CRB3: variants seen among roughly 807,000 people sequenced by gnomAD.
CRB3 encodes protein crumbs homolog 3.
In CRB3, 4 loss-of-function variants were observed where a neutral mutation model predicts 10.4. The observed-to-expected ratio is 0.39, with a 90% confidence interval of 0.19 to 0.88. The LOEUF is 0.88. Among genes scored for constraint, CRB3 ranks in the 40% least tolerant of loss-of-function variants. CRB3 has a pLI of 0.39. For synonymous variants in CRB3, 74 were observed against 73.4 expected, an observed-to-expected ratio of 1.01 and a Z score of -0.04; for missense variants, 154 against 160.2, an observed-to-expected ratio of 0.96 and a Z score of 0.21.
At position 6,466,025 on chromosome 19, in the gene CRB3, C is replaced by T. The variant is rs755162170; in HGVS notation, c.156+407C>T. Among the ~76,000 whole-genome samples the T allele has an allele frequency of 1.3e-5, 2 of 152,068 alleles. No individual in the cohort carries two copies. The highest frequency in any genetic ancestry group is 2.9e-5 in the Non-Finnish European group (2 of 67,996). ...ACCAGCACGGCCAACATGGTGAAAC[C>T]CTGTCTCTACTAAAAATACAAAAAA... is the stretch of plus-strand genomic sequence containing the variant. On this transcript the variant is annotated intron_variant, in intron 3 of 3. Coordinates refer to ENST00000600229, the MANE Select transcript of CRB3 (RefSeq NM_139161.5). The surrounding 1 kb of genome is among the most constrained non-coding windows in gnomAD (Gnocchi z 4.9).
At chr19:6,465,481 C>T in intron 2 of CRB3, 64 bp from the exon 3 acceptor site, 1 of 1,352,158 alleles carries the variant, frequency 7.4e-7, no homozygotes, top group Non-Finnish European at 1.1e-6. Context: ...AAAGCAGGTG[C>T]AGATGGGCGG....
In CRB3 at chr19:6,466,864, G is replaced by A. The variant is rs2092797471; in HGVS notation, c.*192G>A. On this transcript the variant is annotated 3_prime_UTR_variant, in exon 4 of 4. Transcript: ENST00000600229. The surrounding 1 kb of genome is among the most constrained non-coding windows in gnomAD (Gnocchi z 4.9). ...GGCTGTGCCTGCAGCTCAGGGTGCT[G>A]GGGCTCGGGACCCACCCCCCTGCTT... 2 of 1,573,106 alleles carry A rather than the reference G, an allele frequency of 1.3e-6. No homozygotes were observed. The highest frequency in any genetic ancestry group is 2.7e-5 in the African/African-American group (2 of 73,924).
In CRB3 at chr19:6,464,635, G is replaced by A; in HGVS notation, c.-67G>A. On this transcript the variant is annotated 5_prime_UTR_variant, in exon 2 of 4. Transcript: ENST00000600229. The surrounding 1 kb of genome is among the most constrained non-coding windows in gnomAD (Gnocchi z 5.3). Reference sequence around the variant, plus strand: ...GCCCCGTCGCAGGTGCCCCTGGCCGGAGATGCGGTAGGAGGGGCGAGCGCG... The same window carrying A: ...GCCCCGTCGCAGGTGCCCCTGGCCGAAGATGCGGTAGGAGGGGCGAGCGCG... 9.9e-7 allele frequency: 1 copy of A among 1,014,938 alleles called. No homozygotes were observed. 62.9% of individuals were successfully genotyped at this position (1,014,938 alleles called of 1,614,324 possible). A position where few individuals can be genotyped will look rare whatever the true frequency, so the allele number is the denominator to read the frequency against.
Position 6,465,581 on chromosome 19 carries a change from T to C in CRB3, c.119T>C (p.Leu40Ser), listed in dbSNP as rs1599370144. The change falls in exon 3 of 4, where the codon TTG becomes TCG. Residue 40 changes from leucine (L) to serine (S), a missense_variant. Coordinates refer to ENST00000600229, the MANE Select transcript of CRB3 (RefSeq NM_139161.5). ...TCTGCAAATGAGAATAGCACTGTTT[T>C]GCCTTCATCCACCAGCTCCAGCTCC... The part of the protein sequence containing the change: ...TTSANENSTV[L>S]PSSTSSSSDG... The C allele has an allele frequency of 6.2e-7, 1 of 1,614,110 alleles. No homozygotes were observed. Among genetic ancestry groups the C allele is most frequent in the African/African-American group, 1.3e-5 (1 of 75,024 alleles).
rs1423100302 is a variant in CRB3 at position 6,466,027 on chromosome 19, T to C, written c.156+409T>C. 1.3e-5 allele frequency among the ~76,000 whole-genome samples: 2 copies of C among 152,008 alleles called. No individual in the cohort carries two copies. The highest frequency in any genetic ancestry group is 2.9e-5 in the Non-Finnish European group (2 of 67,986). ...CAGCACGGCCAACATGGTGAAACCC[T>C]GTCTCTACTAAAAATACAAAAAATT... On this transcript the variant is annotated intron_variant, in intron 3 of 3. Coordinates refer to ENST00000600229, the MANE Select transcript of CRB3 (RefSeq NM_139161.5). The surrounding 1 kb of genome is among the most constrained non-coding windows in gnomAD (Gnocchi z 4.9).
Position 6,466,132 on chromosome 19 carries a change from C to G in CRB3, c.157-334C>G, listed in dbSNP as rs769754778. 6.6e-6 allele frequency among the ~76,000 whole-genome samples: 1 copy of G among 151,838 alleles called. No individual in the cohort carries two copies. The highest frequency in any genetic ancestry group is 1.5e-5 in the Non-Finnish European group (1 of 67,962). On this transcript the variant is annotated intron_variant, in intron 3 of 3. Transcript: ENST00000600229. The surrounding 1 kb of genome is among the most constrained non-coding windows in gnomAD (Gnocchi z 4.9). ...GGGGGAATTGCTTGAGCCCAGAAGGCGGAGGTTGCAGTGAGCCGAGATTGT... is the reference window on the plus strand; with the variant it reads ...GGGGGAATTGCTTGAGCCCAGAAGGGGGAGGTTGCAGTGAGCCGAGATTGT...
chr19:6,465,154 C>T, intron 2 of CRB3: 1 of 283,192 alleles, frequency 3.5e-6, no homozygotes, highest in East Asian at 6.4e-5. Flanking sequence ...CCGGGTCGAC[C>T]TGGTTGGCTG....
Position 6,464,722 on chromosome 19 carries a change from G to T in CRB3, c.21G>T (p.Gly7=). ...AGCCCATGGCGAACCCCGGGCTGGG[G>T]CTGCTTCTGGCGCTGGGCCTGCCGT... is the stretch of plus-strand genomic sequence containing the variant. MANPGL[G]LLLALGLPFL... is the part of the protein sequence containing the mutation. The change falls in exon 2 of 4, where the codon GGG becomes GGT. Residue 7 remains glycine, a synonymous_variant. Coordinates refer to ENST00000600229, the MANE Select transcript of CRB3 (RefSeq NM_139161.5). The surrounding 1 kb of genome is among the most constrained non-coding windows in gnomAD (Gnocchi z 5.3). The T allele has an allele frequency of 8.0e-7, 1 of 1,246,074 alleles. No homozygotes were observed. 77.2% of individuals were successfully genotyped at this position (1,246,074 alleles called of 1,614,324 possible).
At chr19:6,463,982 G>T, upstream of CRB3, 1 of 152,248 alleles carries the variant, frequency 6.6e-6, no homozygotes. Context: ...CCTAGTGCAC[G>T]GGTACATACA....
At position 6,466,516 on chromosome 19, in the gene CRB3, C is replaced by T; in HGVS notation, c.207C>T (p.Ala69=). The T allele has an allele frequency of 6.2e-7, 1 of 1,613,780 alleles. No individual in the cohort carries two copies. The highest frequency in any genetic ancestry group is 1.3e-5 in the African/African-American group (1 of 75,050). ...TCGTGGTCTTCTCCCTCTTGGCTGCCTTGCTCCTGGCTGTGGGGCTGGCAC... is the reference window on the plus strand; with the variant it reads ...TCGTGGTCTTCTCCCTCTTGGCTGCTTTGCTCCTGGCTGTGGGGCTGGCAC... ...AIIVVFSLLA[A]LLLAVGLALL... Residue 69 remains alanine, a synonymous_variant, in exon 4 of 4, where the codon GCC becomes GCT. Transcript: ENST00000600229. This position sits in a 1 kb window ranked among gnomAD's most constrained non-coding sequence, Gnocchi z 4.9.
chr19:6,467,100 T>C lies in CRB3; in HGVS notation c.*428T>C. ...GCAGTGCCCTCTCTGGGCAGTCAGA[T>C]CCACCCAGTGCTTAATAGCAGGGAA... On this transcript the variant is annotated 3_prime_UTR_variant, in exon 4 of 4. Transcript: ENST00000600229. 5 of 1,317,966 alleles carry C rather than the reference T, an allele frequency of 3.8e-6. No individual in the cohort carries two copies. Among genetic ancestry groups the C allele is most frequent in the Non-Finnish European group, 5.4e-6 (5 of 919,354 alleles). The allele number at this position is 1,317,966 out of a possible 1,614,324, so 81.6% of individuals were successfully genotyped here.
At chr19:6,465,899 G>A (rs1022950826) in intron 3 of CRB3, among the ~76,000 whole-genome samples, 6 of 152,026 alleles carry the variant, frequency 3.9e-5, no homozygotes, top group Non-Finnish European at 8.8e-5. Context: ...CTTGGTAGAT[G>A]TGATGAAAGC....
chr19:6,465,450 G>A, intron 2 of CRB3, 95 bp from the exon 3 acceptor site: 1 of 956,902 alleles, frequency 1.0e-6, no homozygotes, highest in Non-Finnish European at 1.7e-6. Context: ...ACCTGCTAGG[G>A]GGAGGTGAAG....
At chr19:6,465,508 T>A (rs1568389135) in intron 2 of CRB3, 37 bp from the exon 3 acceptor site, 1 of 1,568,482 alleles carries the variant, frequency 6.4e-7, no homozygotes, top group East Asian at 2.2e-5. Flanking sequence ...GAGAGAAAGA[T>A]GGAGACTGAG....
At position 6,466,636 on chromosome 19, in the gene CRB3, C is replaced by A; in HGVS notation, c.327C>A (p.Pro109=). 6.2e-7 allele frequency: 1 copy of A among 1,603,494 alleles called. No homozygotes were observed. Among genetic ancestry groups the A allele is most frequent in the Non-Finnish European group, 8.5e-7 (1 of 1,179,892 alleles). ...EQVGARVPPT[P]NLKLPPEERL... ...TGGGTGCCCGCGTGCCACCGACCCCCAACCTCAAGTTGCCGCCGGAAGAGC... is the reference window on the plus strand; with the variant it reads ...TGGGTGCCCGCGTGCCACCGACCCCAAACCTCAAGTTGCCGCCGGAAGAGC... The change falls in exon 4 of 4, where the codon CCC becomes CCA. Residue 109 remains proline (P), a synonymous_variant. Transcript: ENST00000600229. This position sits in a 1 kb window ranked among gnomAD's most constrained non-coding sequence, Gnocchi z 4.9.
intron 2 of CRB3, chr19:6,465,140 C>A (rs764944119): frequency 3.6e-6 from 1 of 281,276 alleles, no homozygotes; most frequent in South Asian, 1.2e-4. Context: ...GGAGGCCTGC[C>A]GAGCCGGGTC....
rs1302271631 is a variant in CRB3 at position 6,464,414 on chromosome 19, C to T, written c.-95+64C>T. The T allele has an allele frequency of 6.2e-6, 2 of 320,832 alleles. No homozygotes were observed. The highest frequency in any genetic ancestry group is 1.1e-5 in the Non-Finnish European group (2 of 176,632). 19.9% of individuals were successfully genotyped at this position (320,832 alleles called of 1,614,324 possible). A position where few individuals can be genotyped will look rare whatever the true frequency, so the allele number is the denominator to read the frequency against. ...CCCGTCCACCCTGCCCGTCCCGTCC[C>T]GTCCCGTCCCGTCCCCTTCCTTTCC... On this transcript the variant is annotated intron_variant, in intron 1 of 3. Coordinates refer to ENST00000600229, the MANE Select transcript of CRB3 (RefSeq NM_139161.5). The surrounding 1 kb of genome is among the most constrained non-coding windows in gnomAD (Gnocchi z 5.3).
In CRB3 at chr19:6,466,805, G is replaced by A. The variant is rs375880159; in HGVS notation, c.*133G>A. On this transcript the variant is annotated 3_prime_UTR_variant, in exon 4 of 4. Coordinates refer to ENST00000600229, the MANE Select transcript of CRB3 (RefSeq NM_139161.5). This position sits in a 1 kb window ranked among gnomAD's most constrained non-coding sequence, Gnocchi z 4.9. ...GTGGGGAGAGGCTGGGGGCACCCAT[G>A]TGGTGGGCTCTGTGCAGCATGTTGC... 4.0e-3 allele frequency: 6,268 copies of A among 1,554,464 alleles called. 26 individuals carry two copies. The highest frequency in any genetic ancestry group is 5.0e-3 in the Non-Finnish European group (5,698 of 1,150,326).
chr19:6,465,070 G>C (rs1315279426), intron 2 of CRB3: 2 of 334,938 alleles, frequency 6.0e-6, no homozygotes, highest in Non-Finnish European at 1.1e-5. Flanking sequence ...GGGGAGGTAA[G>C]GGCTGCGTAC....
Sources: allele counts gnomAD v4.1 joint callset (sites outside exome capture counted in the v4.1 genomes callset), GRCh38; gene constraint gnomAD v4.1.1; non-coding constraint Gnocchi (gnomAD v3.1); transcripts MANE v1.5; gene names NCBI Gene and HGNC (gene_info 2026-07-23, HGNC 2026-07-21).